KIAA0513: variants seen among roughly 807,000 people sequenced by gnomAD.
KIAA0513 encodes KIAA0513, also known as uncharacterized protein KIAA0513.
KIAA0513 carries 39 observed loss-of-function variants against 56.5 expected under a neutral mutation model. The ratio of observed to expected loss-of-function variants is 0.69; its 90% CI spans 0.53 to 0.90. The LOEUF (loss-of-function observed/expected upper bound fraction) is 0.90. KIAA0513 is among the 40% of genes least tolerant of loss of function. The pLI, the probability that KIAA0513 is intolerant of heterozygous loss-of-function variation, is 0.00. For missense variants in KIAA0513, 591 were observed against 535.2 expected, an observed-to-expected ratio of 1.10 and a Z score of -1.03; for synonymous variants, 268 against 215.6, an observed-to-expected ratio of 1.24 and a Z score of -2.13.
intron 1 of KIAA0513, among the ~76,000 whole-genome samples, chr16:85,050,346 TATTTATTTATTTA>T (rs1189736379): frequency 3.3e-5 from 4 of 122,452 alleles, no homozygotes; most frequent in African/African-American, 1.2e-4. Flanking sequence ...TTTATTTATT[TATTTATTTATTTA>T]TTTTTTTTGA....
chr16:85,029,710 T>G (rs543319386), intron 1 of KIAA0513, among the ~76,000 whole-genome samples: 1 of 152,292 alleles, frequency 6.6e-6, no homozygotes, highest in Non-Finnish European at 1.5e-5. Context: ...CTGGGGCAGT[T>G]TTTTAAAAAA....
chr16:85,039,917 C>T (rs1024461799), intron 1 of KIAA0513, among the ~76,000 whole-genome samples: 3 of 152,042 alleles, frequency 2.0e-5, no homozygotes, highest in Non-Finnish European at 4.4e-5. Context: ...TCCCTACACC[C>T]TCCGCCTCCC....
intron 1 of KIAA0513, among the ~76,000 whole-genome samples, chr16:85,038,988 A>G (rs1207515452): frequency 6.6e-6 from 1 of 152,172 alleles, no homozygotes; most frequent in African/African-American, 2.4e-5. Context: ...CATAGCACAG[A>G]TGATGGCTAT....
intron 1 of KIAA0513, among the ~76,000 whole-genome samples, chr16:85,035,978 CAA>C (rs898368153): frequency 1.5e-4 from 8 of 55,090 alleles, no homozygotes; most frequent in Admixed American, 2.0e-4. Context: ...GACTCCGTCC[CAA>C]AAAAAAAAAA....
chr16:85,092,001 G>C lies in KIAA0513; in HGVS notation c.*3676G>C, dbSNP rs912760873. 6.7e-6 allele frequency: 1 copy of C among 148,470 alleles called. No individual in the cohort carries two copies. The highest frequency in any genetic ancestry group is 2.5e-5 in the African/African-American group (1 of 39,714). The allele number at this position is 148,470 out of a possible 1,614,324, so 9.2% of individuals were successfully genotyped here. ...CTTGTTGCCCAGGCTGGAGTGCAGT[G>C]ACACAATCTCTACTCACTGCAACCT... is the stretch of plus-strand genomic sequence containing the variant. On this transcript the variant is annotated 3_prime_UTR_variant, in exon 13 of 13. Transcript: ENST00000683363.
In KIAA0513 at chr16:85,067,412, G is replaced by A; in HGVS notation, c.329+12G>A. On this transcript the variant is annotated intron_variant, in intron 2 of 12. Transcript: ENST00000683363. ...ATCTTCTCTGGAGGGTAAGGGGCCTGTGTGGACGAGACAGCCTGGTGTGGC... is the reference window on the plus strand; with the variant it reads ...ATCTTCTCTGGAGGGTAAGGGGCCTATGTGGACGAGACAGCCTGGTGTGGC... 1 of 1,583,326 alleles carries A rather than the reference G, an allele frequency of 6.3e-7. No individual in the cohort carries two copies. Among genetic ancestry groups the A allele is most frequent in the East Asian group, 2.2e-5 (1 of 44,780 alleles).
intron 10 of KIAA0513, among the ~76,000 whole-genome samples, chr16:85,083,051 G>A (rs1432285768): frequency 1.3e-5 from 2 of 152,244 alleles, no homozygotes; most frequent in African/African-American, 4.8e-5. Context: ...AGCCACGGGT[G>A]GGGTGCAGAG....
chr16:85,065,362 C>T (rs1330373692), intron 1 of KIAA0513, among the ~76,000 whole-genome samples: 9 of 152,216 alleles, frequency 5.9e-5, no homozygotes, highest in African/African-American at 1.4e-4. Flanking sequence ...GTAGCCACTG[C>T]CTTTTGAGCT....
chr16:85,085,000 T>G (rs1286539327), intron 10 of KIAA0513, among the ~76,000 whole-genome samples: 1 of 152,234 alleles, frequency 6.6e-6, no homozygotes, highest in Non-Finnish European at 1.5e-5. Flanking sequence ...AATCGCCTCC[T>G]CATTTGGCTC....
Position 85,032,549 on chromosome 16 carries a change from T to C in KIAA0513, c.-173+4691T>C, listed in dbSNP as rs62048417. Among the ~76,000 whole-genome samples the C allele has an allele frequency of 6.9e-3, 1,057 of 152,212 alleles. 9 individuals carry two copies. The highest frequency in any genetic ancestry group is 0.025 in the South Asian group (120 of 4,822). ...GGTTTCGCCATGTTGGCCAGGCTGG[T>C]CTCAAGTTCCTGACCTCAAGTGATC... is the stretch of plus-strand genomic sequence containing the variant. On this transcript the variant is annotated intron_variant, in intron 1 of 12. Transcript: ENST00000683363.
At chr16:85,045,946 G>A (rs969050970) in intron 1 of KIAA0513, among the ~76,000 whole-genome samples, 1 of 152,150 alleles carries the variant, frequency 6.6e-6, no homozygotes, top group Non-Finnish European at 1.5e-5. Context: ...GGCAGATGAT[G>A]GCAGCCGACA....
At chr16:85,064,357 A>T (rs545718173) in intron 1 of KIAA0513, among the ~76,000 whole-genome samples, 32 of 152,276 alleles carry the variant, frequency 2.1e-4, no homozygotes, top group Admixed American at 6.5e-4. Flanking sequence ...GTTAGTCAGG[A>T]TTATAAATAC....
At position 85,090,510 on chromosome 16, in the gene KIAA0513, C is replaced by CT. The variant is rs2073857110; in HGVS notation, c.*2191dup. The CT allele has an allele frequency of 6.6e-6, 1 of 152,178 alleles. No individual in the cohort carries two copies. The highest frequency in any genetic ancestry group is 6.5e-5 in the Admixed American group (1 of 15,268). The allele number at this position is 152,178 out of a possible 1,614,324, so 9.4% of individuals were successfully genotyped here. A position where few individuals can be genotyped will look rare whatever the true frequency, so the allele number is the denominator to read the frequency against. On this transcript the variant is annotated 3_prime_UTR_variant, in exon 13 of 13. Coordinates refer to ENST00000683363, the MANE Select transcript of KIAA0513 (RefSeq NM_001388359.1). Reference sequence around the variant, plus strand: ...GAAAGGCAGCGCTGACTTCGTTGGGCTTTTTTCCAAGCACTTTAACTTCAG... The same window carrying CT: ...GAAAGGCAGCGCTGACTTCGTTGGGCTTTTTTTCCAAGCACTTTAACTTCAG...
chr16:85,028,732 C>T (rs1031169758), intron 1 of KIAA0513, among the ~76,000 whole-genome samples: 1 of 152,030 alleles, frequency 6.6e-6, no homozygotes, highest in Non-Finnish European at 1.5e-5. Flanking sequence ...TAGCCAGGTC[C>T]TATTCCTCTC....
At chr16:85,053,740 C>G (rs2073287632) in intron 1 of KIAA0513, among the ~76,000 whole-genome samples, 1 of 152,100 alleles carries the variant, frequency 6.6e-6, no homozygotes, top group Non-Finnish European at 1.5e-5. Context: ...CGCCTATAAT[C>G]CCAGCACTTT....
At chr16:85,086,935 A>C in intron 11 of KIAA0513, 137 bp from the exon 12 acceptor site, 1 of 884,786 alleles carries the variant, frequency 1.1e-6, no homozygotes, top group Non-Finnish European at 1.8e-6. Context: ...CTGGTGGCTA[A>C]TTAGGCAGCA....
rs890027064 is a variant in KIAA0513, at chr16:85,091,131, C to T, written c.*2806C>T. On this transcript the variant is annotated 3_prime_UTR_variant, in exon 13 of 13. Transcript: ENST00000683363. ...TGCCCAAAACCAGGAGCACGAAGGCCTGTCATCCATGGGGCCATTGCAGGC... is the reference window on the plus strand; with the variant it reads ...TGCCCAAAACCAGGAGCACGAAGGCTTGTCATCCATGGGGCCATTGCAGGC... 1.3e-5 allele frequency: 2 copies of T among 152,272 alleles called. No homozygotes were observed. Among genetic ancestry groups the T allele is most frequent in the Non-Finnish European group, 2.9e-5 (2 of 68,070 alleles). The allele number at this position is 152,272 out of a possible 1,614,324, so 9.4% of individuals were successfully genotyped here.
chr16:85,042,175 C>T (rs986160797), intron 1 of KIAA0513, among the ~76,000 whole-genome samples: 1 of 152,178 alleles, frequency 6.6e-6, no homozygotes, highest in African/African-American at 2.4e-5. Context: ...GTAACTTTTG[C>T]GAAAGCCCAG....
intron 1 of KIAA0513, among the ~76,000 whole-genome samples, chr16:85,061,520 C>G (rs996297521): frequency 3.9e-5 from 6 of 152,180 alleles, no homozygotes; most frequent in Non-Finnish European, 8.8e-5. Context: ...GTTTTGCACA[C>G]TCTGGGTGAG....
Sources: gnomAD v4.1 joint callset for allele counts (sites outside exome capture counted in the v4.1 genomes callset) on GRCh38, gnomAD v4.1.1 for gene constraint, MANE v1.5 for transcripts, NCBI Gene and HGNC (gene_info 2026-07-23, HGNC 2026-07-21) for gene names.